APP: variants seen among roughly 807,000 people sequenced by gnomAD.
The protein encoded by APP is amyloid beta precursor protein.
Under a neutral mutation model 101.4 loss-of-function variants are expected in APP, and 31 were observed. The ratio of observed to expected loss-of-function variants is 0.31; its 90% CI spans 0.23 to 0.41. The LOEUF (loss-of-function observed/expected upper bound fraction) is 0.41. APP is among the 10% of genes least tolerant of loss of function. The probability of loss-of-function intolerance (pLI) is 1.00; values close to 1 mark genes in which losing one functional copy is unlikely to be tolerated. For synonymous variants in APP, 366 were observed against 364.4 expected, an observed-to-expected ratio of 1.00 and a Z score of -0.05; for missense variants, 839 against 1,003.7, an observed-to-expected ratio of 0.84 and a Z score of 2.22.
chr21:26,058,307 G>A (rs961515520), intron 3 of APP, among the ~76,000 whole-genome samples: 4 of 152,102 alleles, frequency 2.6e-5, no homozygotes, highest in African/African-American at 9.7e-5. Flanking sequence ...TTCCACTGAG[G>A]CCATATGTGC....
intron 5 of APP, among the ~76,000 whole-genome samples, chr21:26,047,732 A>C (rs1360321417): frequency 6.6e-6 from 1 of 152,326 alleles, no homozygotes; most frequent in East Asian, 1.9e-4. Flanking sequence ...AAAGAGTGAT[A>C]AGAAATTTCA....
chr21:26,142,649 G>A (rs112414544), intron 1 of APP, among the ~76,000 whole-genome samples: 14,743 of 152,022 alleles, frequency 0.097, 915 homozygotes, highest in Admixed American at 0.15. Context: ...CAAACCTGTA[G>A]TCCCAGCTAC....
chr21:26,074,835 C>G lies in APP; in HGVS notation c.355+15108G>C, dbSNP rs151261165. On this transcript the variant is annotated intron_variant, in intron 3 of 17. Transcript: ENST00000346798. ...ATGAATCTAATGGTATGTTTTATCT[C>G]TAAACACAGATGCCTCTGATACACT... is the stretch of plus-strand genomic sequence containing the variant. Among the ~76,000 whole-genome samples, 24 of 152,228 alleles carry G rather than the reference C, an allele frequency of 1.6e-4. No homozygotes were observed. In the East Asian group the frequency reaches 4.2e-3, roughly 27 times the overall value.
intron 8 of APP, among the ~76,000 whole-genome samples, chr21:25,991,373 G>A (rs537611480): frequency 6.6e-6 from 1 of 152,196 alleles, no homozygotes; most frequent in African/African-American, 2.4e-5. Flanking sequence ...TCAGCTTGCT[G>A]GCTACCTTTT....
At chr21:26,047,885 T>C (rs976546508) in intron 5 of APP, among the ~76,000 whole-genome samples, 1 of 152,116 alleles carries the variant, frequency 6.6e-6, no homozygotes, top group Non-Finnish European at 1.5e-5. Flanking sequence ...GAAAGAAACA[T>C]AAAAAAAGAA....
chr21:25,909,916 T>C (rs777498929), intron 14 of APP, among the ~76,000 whole-genome samples: 17 of 152,174 alleles, frequency 1.1e-4, no homozygotes, highest in Non-Finnish European at 1.9e-4. Flanking sequence ...TATTTTTACA[T>C]TGTCAGTAAC....
intron 8 of APP, among the ~76,000 whole-genome samples, chr21:25,992,867 A>G (rs1008840253): frequency 1.3e-5 from 2 of 152,206 alleles, no homozygotes; most frequent in Non-Finnish European, 2.9e-5. Context: ...TTTAGTTCCA[A>G]TGGTATTGCA....
chr21:26,151,384 C>G (rs141124596), intron 1 of APP, among the ~76,000 whole-genome samples: 1 of 152,198 alleles, frequency 6.6e-6, no homozygotes, highest in Non-Finnish European at 1.5e-5. Context: ...TCTGCCTACA[C>G]GAGCAATCAC....
chr21:26,006,744 C>T (rs1038590597), intron 6 of APP, among the ~76,000 whole-genome samples: 5 of 152,068 alleles, frequency 3.3e-5, no homozygotes, highest in African/African-American at 1.2e-4. Flanking sequence ...AACTGGCAAC[C>T]AGAATGGGGA....
At chr21:25,994,537 T>A (rs903240768) in intron 8 of APP, among the ~76,000 whole-genome samples, 4 of 152,224 alleles carry the variant, frequency 2.6e-5, no homozygotes, top group African/African-American at 4.8e-5. Flanking sequence ...ATGCAAACCA[T>A]CATACATTTT....
chr21:26,169,937 C>T (rs1272515953), intron 1 of APP, among the ~76,000 whole-genome samples: 2 of 152,226 alleles, frequency 1.3e-5, no homozygotes, highest in African/African-American at 4.8e-5. Flanking sequence ...GGTGCGCGAC[C>T]CCGACGCCGG....
intron 11 of APP, among the ~76,000 whole-genome samples, chr21:25,958,463 G>T (rs1270939405): frequency 6.6e-6 from 1 of 152,070 alleles, no homozygotes; most frequent in Non-Finnish European, 1.5e-5. Context: ...ATTTTTAGTA[G>T]AGACGGGGTT....
chr21:26,047,937 A>G (rs2045677636), intron 5 of APP, among the ~76,000 whole-genome samples: 1 of 152,252 alleles, frequency 6.6e-6, no homozygotes, highest in Non-Finnish European at 1.5e-5. Context: ...GTCACATGAT[A>G]TTTCAGATAT....
At chr21:26,026,277 A>G (rs1184882897) in intron 5 of APP, among the ~76,000 whole-genome samples, 1 of 152,164 alleles carries the variant, frequency 6.6e-6, no homozygotes. Context: ...GCTTTTAAAC[A>G]CCAATAACAA....
chr21:26,108,681 T>C (rs767385448), intron 2 of APP, among the ~76,000 whole-genome samples: 9 of 150,952 alleles, frequency 6.0e-5, no homozygotes, highest in Non-Finnish European at 4.4e-5. Context: ...AGGTCAGGAG[T>C]TCGAGACCAG....
intron 3 of APP, among the ~76,000 whole-genome samples, chr21:26,069,859 GAA>G (rs971869199): frequency 6.6e-6 from 1 of 152,040 alleles, no homozygotes; most frequent in African/African-American, 2.4e-5. Context: ...CAGAGAATGA[GAA>G]AGAAAAAAGA....
intron 13 of APP, among the ~76,000 whole-genome samples, chr21:25,916,135 G>A (rs1294373502): frequency 6.6e-6 from 1 of 152,118 alleles, no homozygotes; most frequent in Non-Finnish European, 1.5e-5. Flanking sequence ...CCCGAGTACT[G>A]TGATTACAGG....
rs2061888900 is a variant in APP, at chr21:26,094,094, G to A, written c.226-4022C>T. On this transcript the variant is annotated intron_variant, in intron 2 of 17. Coordinates refer to ENST00000346798, the MANE Select transcript of APP (RefSeq NM_000484.4). ...TCACACCACTGCACTCCAGCCTGGT[G>A]ACAGAGCGAGACTCGGTCTCAAAAA... Among the ~76,000 whole-genome samples, 8 of 146,242 alleles carry A rather than the reference G, an allele frequency of 5.5e-5. No individual in the cohort carries two copies. The South Asian group carries it at 1.7e-3, about 32-fold the overall frequency.
chr21:26,023,091 C>A (rs1232784074), intron 5 of APP, among the ~76,000 whole-genome samples: 2 of 152,150 alleles, frequency 1.3e-5, no homozygotes, highest in Non-Finnish European at 2.9e-5. Flanking sequence ...ATCTGCAATG[C>A]CCTGTGGTCA....
Sources: allele counts gnomAD v4.1 joint callset (sites outside exome capture counted in the v4.1 genomes callset), GRCh38; gene constraint gnomAD v4.1.1; transcripts MANE v1.5; gene names NCBI Gene and HGNC (gene_info 2026-07-23, HGNC 2026-07-21).